Variants in RARB observed in about 807,000 individuals in gnomAD.
The protein encoded by RARB is retinoic acid receptor beta, also known as HBV-activated protein.
A neutral mutation model predicts 51.9 loss-of-function variants in RARB; 17 were observed. The observed-to-expected ratio is 0.33, with a 90% CI of 0.22 to 0.49. The LOEUF (loss-of-function observed/expected upper bound fraction) is 0.49, where lower values mean the gene tolerates loss of function less well. RARB is among the 20% of genes least tolerant of loss of function. RARB has a pLI of 0.99. For synonymous variants in RARB, 215 were observed against 195.4 expected (o/e 1.10, Z -0.84); for missense variants, 369 against 550.8 (o/e 0.67, Z 3.30).
chr3:24,860,021 C>A (rs942687242), intron 2 of RARB, among the ~76,000 whole-genome samples: 3 of 152,272 alleles, frequency 2.0e-5, no homozygotes, highest in Admixed American at 1.3e-4. Flanking sequence ...AGTTTGCTGA[C>A]CTACCTTTAC....
Position 25,428,873 on chromosome 3 carries a change from C to G in RARB, c.142C>G (p.Arg48Gly). Residue 48 changes from arginine (R) to glycine (G), a missense_variant, in exon 1 of 8, where the codon CGG becomes GGG. Arg to Gly is a moderately radical substitution (Grantham distance 125). This residue lies in a region of RARB where 99 missense variants were observed against 95.1 expected (regional missense o/e 1.04). Coordinates refer to ENST00000330688, the MANE Select transcript of RARB (RefSeq NM_000965.5). ...SGLTQTEWQH[R>G]HTAQSIETQS... ...ATTGACCCAAACCGAATGGCAGCAT[C>G]GGCACACTGCTCAATGTAGGTTTAT... 1 of 1,611,742 alleles carries G rather than the reference C, an allele frequency of 6.2e-7. No homozygotes were observed. Among genetic ancestry groups the G allele is most frequent in the South Asian group, 1.1e-5 (1 of 90,970 alleles).
intron 2 of RARB, among the ~76,000 whole-genome samples, chr3:25,494,092 G>C (rs1307477427): frequency 2.0e-5 from 3 of 152,116 alleles, no homozygotes; most frequent in African/African-American, 4.8e-5. Context: ...GCATGACGAA[G>C]TCAATGAATC....
At chr3:25,069,733 A>G (rs1698731587) in intron 3 of RARB, among the ~76,000 whole-genome samples, 1 of 152,228 alleles carries the variant, frequency 6.6e-6, no homozygotes, top group Non-Finnish European at 1.5e-5. Context: ...AGTTAGATGA[A>G]TGAGCAGTCT....
At chr3:24,917,188 C>G (rs1286818420) in intron 2 of RARB, among the ~76,000 whole-genome samples, 1 of 151,924 alleles carries the variant, frequency 6.6e-6, no homozygotes. Flanking sequence ...CTTACCCTTG[C>G]CATATGCAAA....
intron 2 of RARB, among the ~76,000 whole-genome samples, chr3:24,884,842 A>G (rs1703238681): frequency 6.6e-6 from 1 of 152,190 alleles, no homozygotes; most frequent in African/African-American, 2.4e-5. Context: ...ATTACAAGAA[A>G]GAAAATATAA....
chr3:25,476,200 C>T (rs1371016891), intron 2 of RARB, among the ~76,000 whole-genome samples: 2 of 152,172 alleles, frequency 1.3e-5, no homozygotes, highest in East Asian at 1.9e-4. Flanking sequence ...AAAATGCAAA[C>T]ATACCATGTG....
intron 5 of RARB, among the ~76,000 whole-genome samples, chr3:25,313,625 C>T (rs970655552): frequency 6.6e-6 from 1 of 152,270 alleles, no homozygotes; most frequent in African/African-American, 2.4e-5. Context: ...CTCTGTGTTG[C>T]TTTAGGTAAC....
intron 2 of RARB, among the ~76,000 whole-genome samples, chr3:24,944,293 T>C (rs539845367): frequency 1.2e-3 from 186 of 152,322 alleles, no homozygotes; most frequent in Non-Finnish European, 1.9e-3. Flanking sequence ...CTGCCTTTTC[T>C]TTCTGGGTCT....
intron 4 of RARB, among the ~76,000 whole-genome samples, chr3:25,137,879 C>T (rs1484821855): frequency 1.3e-5 from 2 of 152,106 alleles, no homozygotes; most frequent in African/African-American, 4.8e-5. Flanking sequence ...GACCTGAAGG[C>T]AAGAGGTAGT....
At chr3:25,434,417 A>G (rs1201507511) in intron 1 of RARB, among the ~76,000 whole-genome samples, 1 of 152,146 alleles carries the variant, frequency 6.6e-6, no homozygotes, top group Non-Finnish European at 1.5e-5. Context: ...ATGTCTCATT[A>G]GACAGTCTAT....
chr3:25,294,750 G>A (rs78410335), intron 5 of RARB, among the ~76,000 whole-genome samples: 38,422 of 151,910 alleles, frequency 0.25, 5,840 homozygotes, highest in African/African-American at 0.43. Context: ...ATTTGGCAAT[G>A]TATTCGTGGC....
intron 5 of RARB, among the ~76,000 whole-genome samples, chr3:25,403,886 T>TAAAAAAAAAAA (rs546197894): frequency 3.7e-4 from 33 of 88,364 alleles, no homozygotes; most frequent in African/African-American, 1.6e-3. Flanking sequence ...TTTCTTTTTC[T>TAAAAAAAAAAA]AAAAAAAAAA....
intron 5 of RARB, among the ~76,000 whole-genome samples, chr3:25,216,628 T>C (rs1701838883): frequency 6.6e-6 from 1 of 151,416 alleles, no homozygotes; most frequent in Non-Finnish European, 1.5e-5. Context: ...GATGGGTCAG[T>C]AGGTGCAGCG....
intron 5 of RARB, among the ~76,000 whole-genome samples, chr3:25,380,017 T>A (rs1306134867): frequency 5.9e-5 from 9 of 152,044 alleles, no homozygotes; most frequent in Admixed American, 5.9e-4. Flanking sequence ...GACTGGAAAA[T>A]TCATGTTGGA....
intron 3 of RARB, among the ~76,000 whole-genome samples, chr3:25,095,096 C>T (rs765095838): frequency 6.6e-6 from 1 of 152,138 alleles, no homozygotes; most frequent in Non-Finnish European, 1.5e-5. Flanking sequence ...TGGCTCAAGA[C>T]TTAATCTCAA....
At chr3:24,916,672 A>T (rs753030523) in intron 2 of RARB, among the ~76,000 whole-genome samples, 1 of 151,962 alleles carries the variant, frequency 6.6e-6, no homozygotes, top group African/African-American at 2.4e-5. Context: ...ATAAAAGGGT[A>T]TAACCATTTT....
At chr3:25,370,145 G>C (rs1019570273) in intron 5 of RARB, among the ~76,000 whole-genome samples, 1 of 152,082 alleles carries the variant, frequency 6.6e-6, no homozygotes, top group Non-Finnish European at 1.5e-5. Flanking sequence ...TTAAAAACAG[G>C]TATAAAATAA....
intron 3 of RARB, among the ~76,000 whole-genome samples, chr3:25,117,778 C>A (rs976107217): frequency 6.6e-6 from 1 of 151,976 alleles, no homozygotes; most frequent in African/African-American, 2.4e-5. Context: ...GAACAAGTCA[C>A]CAGGGGAAAA....
intron 5 of RARB, among the ~76,000 whole-genome samples, chr3:25,247,296 C>T (rs1488857857): frequency 6.6e-6 from 1 of 152,218 alleles, no homozygotes; most frequent in Non-Finnish European, 1.5e-5. Context: ...CCACTAGTAT[C>T]ACTGTCTTCA....
Sources: allele counts gnomAD v4.1 joint callset (sites outside exome capture counted in the v4.1 genomes callset), GRCh38; gene constraint gnomAD v4.1.1; regional missense constraint gnomAD v4.1.1; transcripts MANE v1.5; gene names NCBI Gene and HGNC (gene_info 2026-07-23, HGNC 2026-07-21).